Variants in KCNH7 observed in about 807,000 individuals in gnomAD.
KCNH7 encodes potassium voltage-gated channel subfamily H member 7, also known as voltage-gated inwardly rectifying potassium channel KCNH7.
KCNH7 carries 49 observed loss-of-function variants against 120.8 expected under a neutral mutation model. That is an observed-to-expected ratio of 0.41 (90% CI 0.32 to 0.51). The LOEUF is 0.51. Ranked by LOEUF, KCNH7 falls within the 20% of genes least tolerant of loss-of-function variation. The pLI is 0.38. For missense variants in KCNH7, 1,097 were observed against 1,446.6 expected (o/e 0.76, Z 3.92); for synonymous variants, 547 against 516.1 (o/e 1.06, Z -0.81).
At chr2:162,436,099 G>A (rs537805955) in intron 7 of KCNH7, among the ~76,000 whole-genome samples, 1 of 152,134 alleles carries the variant, frequency 6.6e-6, no homozygotes, top group Non-Finnish European at 1.5e-5. Context: ...TAATTTCAGA[G>A]AGAACAAAGT....
At chr2:162,417,232 C>T (rs1054836197) in intron 9 of KCNH7, among the ~76,000 whole-genome samples, 1 of 152,058 alleles carries the variant, frequency 6.6e-6, no homozygotes, top group Non-Finnish European at 1.5e-5. Flanking sequence ...TTAAGAAATG[C>T]TGAGTTATTC....
intron 8 of KCNH7, among the ~76,000 whole-genome samples, chr2:162,424,287 G>A (rs1413959683): frequency 6.6e-6 from 1 of 152,072 alleles, no homozygotes; most frequent in Non-Finnish European, 1.5e-5. Context: ...AACATAATCA[G>A]CATTTAGGTA....
intron 2 of KCNH7, among the ~76,000 whole-genome samples, chr2:162,609,840 C>T (rs1402739285): frequency 6.6e-6 from 1 of 152,104 alleles, no homozygotes; most frequent in East Asian, 1.9e-4. Context: ...TCTAACAGTG[C>T]ATAACACTCT....
chr2:162,781,689 G>A (rs934812551), intron 2 of KCNH7, among the ~76,000 whole-genome samples: 1 of 152,116 alleles, frequency 6.6e-6, no homozygotes, highest in Admixed American at 6.6e-5. Context: ...ATATTGACAT[G>A]TAAGAAATTA....
intron 2 of KCNH7, among the ~76,000 whole-genome samples, chr2:162,605,710 G>A (rs775916354): frequency 2.0e-5 from 3 of 152,040 alleles, no homozygotes; most frequent in Admixed American, 1.3e-4. Context: ...CTATCATTTC[G>A]CTGATGGAAA....
At chr2:162,375,642 CTT>C (rs753331789) in intron 14 of KCNH7, among the ~76,000 whole-genome samples, 6 of 152,034 alleles carry the variant, frequency 3.9e-5, no homozygotes, top group Non-Finnish European at 7.4e-5. Context: ...AGAATGGACT[CTT>C]GGGCCAGTCA....
intron 2 of KCNH7, among the ~76,000 whole-genome samples, chr2:162,767,115 T>G (rs1009494039): frequency 2.6e-5 from 4 of 152,178 alleles, no homozygotes; most frequent in Non-Finnish European, 4.4e-5. Flanking sequence ...AATAATTTAT[T>G]TAACCCATAT....
intron 3 of KCNH7, among the ~76,000 whole-genome samples, chr2:162,526,047 A>G (rs991435535): frequency 8.6e-5 from 13 of 151,992 alleles, no homozygotes; most frequent in African/African-American, 3.1e-4. Flanking sequence ...AGTCTGAGAA[A>G]TAAAGGGACA....
chr2:162,712,455 ATGAATAAATAGC>A (rs1174045500), intron 2 of KCNH7, among the ~76,000 whole-genome samples: 1 of 152,128 alleles, frequency 6.6e-6, no homozygotes, highest in Non-Finnish European at 1.5e-5. Flanking sequence ...CTAGTTTTTC[ATGAATAAATAGC>A]TGACTTTCTG....
intron 2 of KCNH7, among the ~76,000 whole-genome samples, chr2:162,596,059 T>C (rs1053779670): frequency 2.6e-5 from 4 of 151,988 alleles, no homozygotes; most frequent in African/African-American, 7.2e-5. Flanking sequence ...AAATTGAAGA[T>C]GACAAAATAA....
intron 2 of KCNH7, among the ~76,000 whole-genome samples, chr2:162,550,886 G>GATAATAATAATAATAATA (rs34251777): frequency 8.1e-5 from 12 of 147,894 alleles, no homozygotes; most frequent in African/African-American, 2.7e-4. Flanking sequence ...AACTAGGCTA[G>GATAATAATAATAATAATA]ATAATAATAA....
At chr2:162,379,793 A>C (rs1686344806) in intron 14 of KCNH7, 60 bp downstream of exon 14, 1 of 1,533,214 alleles carries the variant, frequency 6.5e-7, no homozygotes, top group Non-Finnish European at 8.9e-7. Context: ...TGTAAGGAGT[A>C]AAACTGGACC....
chr2:162,689,948 A>G (rs1481581775), intron 2 of KCNH7, among the ~76,000 whole-genome samples: 1 of 152,206 alleles, frequency 6.6e-6, no homozygotes, highest in African/African-American at 2.4e-5. Flanking sequence ...TTGCAGCACT[A>G]TTCACAATAG....
intron 2 of KCNH7, among the ~76,000 whole-genome samples, chr2:162,738,596 A>T (rs1688003733): frequency 6.6e-6 from 1 of 152,182 alleles, no homozygotes; most frequent in Non-Finnish European, 1.5e-5. Flanking sequence ...AAACACTGGA[A>T]CTGAGTTGAT....
At chr2:162,418,331 T>C (rs1181887567) in intron 9 of KCNH7, among the ~76,000 whole-genome samples, 1 of 152,106 alleles carries the variant, frequency 6.6e-6, no homozygotes, top group Non-Finnish European at 1.5e-5. Flanking sequence ...GAAATTTTAT[T>C]ATAGCTGTAT....
chr2:162,464,345 C>T (rs891751878), intron 6 of KCNH7, among the ~76,000 whole-genome samples: 5 of 151,880 alleles, frequency 3.3e-5, no homozygotes, highest in African/African-American at 9.7e-5. Context: ...TTAGCTTTGA[C>T]ATTTTTAGAT....
chr2:162,541,564 T>C (rs1692303567), intron 2 of KCNH7, among the ~76,000 whole-genome samples: 2 of 152,098 alleles, frequency 1.3e-5, no homozygotes, highest in South Asian at 4.1e-4. Flanking sequence ...TTGGAAGCCA[T>C]TATCCTCAGC....
At chr2:162,808,837 A>C (rs1684637212) in intron 2 of KCNH7, among the ~76,000 whole-genome samples, 1 of 152,146 alleles carries the variant, frequency 6.6e-6, no homozygotes, top group Non-Finnish European at 1.5e-5. Context: ...ACACAATAGA[A>C]AACAAAAGGG....
intron 2 of KCNH7, among the ~76,000 whole-genome samples, chr2:162,662,033 G>C (rs1684980347): frequency 6.6e-6 from 1 of 152,108 alleles, no homozygotes; most frequent in African/African-American, 2.4e-5. Flanking sequence ...GGAGGCAGAG[G>C]TGGGTGGATC....
Sources: gnomAD v4.1 joint callset for allele counts (sites outside exome capture counted in the v4.1 genomes callset) on GRCh38, gnomAD v4.1.1 for gene constraint, MANE v1.5 for transcripts, NCBI Gene and HGNC (gene_info 2026-07-23, HGNC 2026-07-21) for gene names.